The following NETO1 variants were observed in gnomAD, a reference collection of about 807,000 sequenced individuals.
NETO1 encodes the protein neuropilin and tolloid-like protein 1.
Under a neutral mutation model 61.3 loss-of-function variants are expected in NETO1, and 26 were observed. The observed-to-expected ratio is 0.42, with a 90% confidence interval of 0.31 to 0.59. The LOEUF (loss-of-function observed/expected upper bound fraction) is 0.59, where lower values mean the gene tolerates loss of function less well. Among genes scored for constraint, NETO1 ranks in the 20% least tolerant of loss-of-function variants. NETO1 has a pLI of 0.12. For missense variants in NETO1, 531 were observed against 662.8 expected, an observed-to-expected ratio of 0.80 and a Z score of 2.18; for synonymous variants, 225 against 225.8, an observed-to-expected ratio of 1.00 and a Z score of 0.03.
intron 4 of NETO1, among the ~76,000 whole-genome samples, chr18:72,839,085 A>G (rs2073843086): frequency 6.6e-6 from 1 of 152,198 alleles, no homozygotes; most frequent in African/African-American, 2.4e-5. Context: ...TAACAAATTT[A>G]AACTGTTGCT....
chr18:72,861,329 A>G (rs963562325), intron 3 of NETO1, among the ~76,000 whole-genome samples: 3 of 152,250 alleles, frequency 2.0e-5, no homozygotes, highest in Non-Finnish European at 4.4e-5. Context: ...AGGTAGTGAA[A>G]TAACTTTTTA....
At chr18:72,867,105 G>C in intron 1 of NETO1, 159 bp downstream of exon 1, 1 of 521,596 alleles carries the variant, frequency 1.9e-6, no homozygotes, top group East Asian at 3.5e-5. Flanking sequence ...CCGGTTCCAC[G>C]ATGCTGCAAT....
chr18:72,792,527 C>T (rs73966663), intron 6 of NETO1, among the ~76,000 whole-genome samples: 1 of 151,726 alleles, frequency 6.6e-6, no homozygotes, highest in Non-Finnish European at 1.5e-5. Flanking sequence ...TCTAGTATTT[C>T]CCTCATGTTG....
chr18:72,818,383 G>C (rs1438937831), intron 4 of NETO1, among the ~76,000 whole-genome samples: 2 of 152,128 alleles, frequency 1.3e-5, no homozygotes, highest in African/African-American at 2.4e-5. Context: ...ATGGCAACAG[G>C]CTTTCCTATA....
intron 4 of NETO1, among the ~76,000 whole-genome samples, chr18:72,801,950 T>C (rs1276426570): frequency 3.3e-5 from 5 of 152,148 alleles, no homozygotes; most frequent in Admixed American, 2.0e-4. Context: ...TGAAAAAAGA[T>C]GAACCTGACA....
At chr18:72,766,889 G>A (rs2071183710) in intron 7 of NETO1, among the ~76,000 whole-genome samples, 1 of 151,954 alleles carries the variant, frequency 6.6e-6, no homozygotes, top group Non-Finnish European at 1.5e-5. Context: ...CTTCCATTAT[G>A]TCTGCCTTGA....
intron 7 of NETO1, among the ~76,000 whole-genome samples, chr18:72,767,905 T>TACAA (rs1316829656): frequency 6.6e-5 from 10 of 152,234 alleles, no homozygotes; most frequent in Middle Eastern, 3.2e-3. Flanking sequence ...CACTAACGGA[T>TACAA]ACAATACTAG....
intron 7 of NETO1, among the ~76,000 whole-genome samples, chr18:72,769,456 G>A (rs1259574934): frequency 6.6e-6 from 1 of 152,132 alleles, no homozygotes; most frequent in Non-Finnish European, 1.5e-5. Flanking sequence ...TGATATTATA[G>A]ATGAGTCAAT....
chr18:72,821,689 T>G (rs533835621), intron 4 of NETO1, among the ~76,000 whole-genome samples: 3 of 152,084 alleles, frequency 2.0e-5, no homozygotes, highest in Non-Finnish European at 4.4e-5. Flanking sequence ...TTGCATAGGG[T>G]GGCTATCATC....
intron 4 of NETO1, among the ~76,000 whole-genome samples, chr18:72,818,317 C>T (rs1186922595): frequency 6.6e-6 from 1 of 152,112 alleles, no homozygotes; most frequent in Non-Finnish European, 1.5e-5. Flanking sequence ...TTTACTCTTG[C>T]GATTTCAAGA....
chr18:72,860,328 C>T (rs1300500982), intron 3 of NETO1, among the ~76,000 whole-genome samples: 1 of 152,180 alleles, frequency 6.6e-6, no homozygotes, highest in African/African-American at 2.4e-5. Flanking sequence ...AGCAACTATG[C>T]AGAATGGTGG....
At chr18:72,852,720 G>A (rs974096606) in intron 4 of NETO1, among the ~76,000 whole-genome samples, 3 of 151,856 alleles carry the variant, frequency 2.0e-5, no homozygotes, top group African/African-American at 7.3e-5. Context: ...CTATTATACA[G>A]ATAAGGTAAG....
At position 72,783,730 on chromosome 18, in the gene NETO1, A is replaced by G. The variant is rs746706693; in HGVS notation, c.816T>C (p.Asp272=). Reference sequence around the variant, plus strand: ...GAAATCGGCTGTTTCGACTGCCCTCATCTGCCCACATGCGGATCACCCCAA... The same window carrying G: ...GAAATCGGCTGTTTCGACTGCCCTCGTCTGCCCACATGCGGATCACCCCAA... ...TGLGVIRMWA[D]EGSRNSRFQM... Residue 272 remains aspartate, a synonymous_variant, in exon 7 of 11, where the codon GAT becomes GAC. Coordinates refer to ENST00000327305, the MANE Select transcript of NETO1 (RefSeq NM_138966.5). The G allele has an allele frequency of 1.1e-5, 17 of 1,614,058 alleles. No homozygotes were observed. The highest frequency in any genetic ancestry group is 1.4e-5 in the Non-Finnish European group (17 of 1,180,028).
At chr18:72,789,394 A>AT (rs540877124) in intron 6 of NETO1, among the ~76,000 whole-genome samples, 167 of 152,162 alleles carry the variant, frequency 1.1e-3, no homozygotes, top group African/African-American at 3.8e-3. Context: ...GAACTGTACA[A>AT]TTTTTTTGGT....
intron 2 of NETO1, 66 bp from the exon 3 acceptor site, chr18:72,865,011 A>C: frequency 6.6e-7 from 1 of 1,525,400 alleles, no homozygotes; most frequent in Non-Finnish European, 8.9e-7. Flanking sequence ...CTAAAAATAG[A>C]GGACATTCTT....
intron 4 of NETO1, among the ~76,000 whole-genome samples, chr18:72,842,973 T>C (rs891537422): frequency 5.9e-5 from 9 of 152,216 alleles, no homozygotes; most frequent in African/African-American, 2.2e-4. Flanking sequence ...AAAGCAGAAA[T>C]CACTGCCTCA....
At chr18:72,751,889 G>A (rs762388267) in intron 8 of NETO1, 4 of 152,194 alleles carry the variant, frequency 2.6e-5, no homozygotes, top group Non-Finnish European at 5.9e-5. Flanking sequence ...TAAGCCTAAT[G>A]ATAATTTCAA....
intron 7 of NETO1, among the ~76,000 whole-genome samples, chr18:72,765,513 G>A (rs201175531): frequency 6.6e-6 from 1 of 152,062 alleles, no homozygotes; most frequent in African/African-American, 2.4e-5. Context: ...CTGCTGCCCA[G>A]GTTCAAGCAA....
chr18:72,850,027 C>T (rs1381996507), intron 4 of NETO1, among the ~76,000 whole-genome samples: 1 of 152,188 alleles, frequency 6.6e-6, no homozygotes, highest in Non-Finnish European at 1.5e-5. Context: ...AGATAATCTC[C>T]CTTTATTAAA....
Sources: gnomAD v4.1 joint callset for allele counts (sites outside exome capture counted in the v4.1 genomes callset) on GRCh38, gnomAD v4.1.1 for gene constraint, MANE v1.5 for transcripts, NCBI Gene and HGNC (gene_info 2026-07-23, HGNC 2026-07-21) for gene names.